The following TSPAN7 variants were observed in gnomAD, a reference collection of about 807,000 sequenced individuals.
TSPAN7 encodes the protein tetraspanin 7.
In TSPAN7, 1 loss-of-function variant was observed where a neutral mutation model predicts 17.6. The ratio of observed to expected loss-of-function variants is 0.06; its 90% CI spans 0.02 to 0.27. The LOEUF is 0.27. Among genes scored for constraint, TSPAN7 ranks in the 10% least tolerant of loss-of-function variants. The pLI is 1.00. For missense variants in TSPAN7, 112 were observed against 201.7 expected (o/e 0.56, Z 2.69); for synonymous variants, 78 against 79.0 (o/e 0.99, Z 0.07).
chrX:38,578,886 T>A (rs1371287471), intron 1 of TSPAN7, among the ~76,000 whole-genome samples: 2 of 111,302 alleles, frequency 1.8e-5, no homozygotes, highest in Non-Finnish European at 3.8e-5. Flanking sequence ...CATATGTGTA[T>A]ATGTATTATG....
At position 38,687,643 on chromosome X, in the gene TSPAN7, G is replaced by A. The variant is rs1383324316; in HGVS notation, c.726G>A (p.Thr242=). Reference sequence around the variant, plus strand: ...CCTGCTGTCTGTCCCGGTTCATCACGGCCAATCAGTATGAGATGGTGTAAG... The same window carrying A: ...CCTGCTGTCTGTCCCGGTTCATCACAGCCAATCAGTATGAGATGGTGTAAG... ...LLACCLSRFI[T]ANQYEMV is the part of the protein sequence containing the mutation. The change falls in exon 7 of 8, where the codon ACG becomes ACA. Residue 242 remains threonine, a synonymous_variant. Coordinates refer to ENST00000378482, the MANE Select transcript of TSPAN7 (RefSeq NM_004615.4). The A allele has an allele frequency of 6.6e-6, 8 of 1,210,608 alleles. No homozygotes were observed. Among genetic ancestry groups the A allele is most frequent in the Non-Finnish European group, 8.9e-6 (8 of 895,057 alleles).
At chrX:38,648,191 T>C (rs138171625) in intron 1 of TSPAN7, among the ~76,000 whole-genome samples, 2,319 of 112,126 alleles carry the variant, frequency 0.021, 61 homozygotes, top group African/African-American at 0.071. Flanking sequence ...CTTACAAATG[T>C]TAGAGGATAT....
chrX:38,627,914 G>A (rs2069530324), intron 1 of TSPAN7, among the ~76,000 whole-genome samples: 1 of 112,612 alleles, frequency 8.9e-6, no homozygotes, highest in Non-Finnish European at 1.9e-5. Context: ...GGCCACAGTA[G>A]GACTCTATAG....
chrX:38,643,127 G>T (rs1311506599), intron 1 of TSPAN7, among the ~76,000 whole-genome samples: 1 of 110,822 alleles, frequency 9.0e-6, no homozygotes, highest in East Asian at 2.8e-4. Context: ...GCTGCAGCTT[G>T]TTGGGTATTG....
intron 1 of TSPAN7, among the ~76,000 whole-genome samples, chrX:38,615,344 C>T (rs932431465): frequency 4.5e-5 from 5 of 110,884 alleles, no homozygotes; most frequent in African/African-American, 9.8e-5. Context: ...GCTTTTTTTT[C>T]CCCCAATGCA....
chrX:38,576,253 A>C (rs1482684427), intron 1 of TSPAN7, among the ~76,000 whole-genome samples: 1 of 111,612 alleles, frequency 9.0e-6, no homozygotes, highest in Non-Finnish European at 1.9e-5. Flanking sequence ...TTAAAATCTA[A>C]AGTTTAATAT....
chrX:38,665,988 C>T (rs1361181562), intron 1 of TSPAN7, 133 bp from the exon 2 acceptor site: 16 of 562,586 alleles, frequency 2.8e-5, no homozygotes, highest in Non-Finnish European at 4.8e-5. Flanking sequence ...TGACATTTCT[C>T]GTTGCTCAGG....
At position 38,688,875 on chromosome X, in the gene TSPAN7, A is replaced by G. The variant is rs1301763750; in HGVS notation, c.*944A>G. The G allele has an allele frequency of 1.8e-5, 2 of 112,423 alleles. No homozygotes were observed. The highest frequency in any genetic ancestry group is 6.5e-5 in the African/African-American group (2 of 30,881). 9.3% of individuals were successfully genotyped at this position (112,423 alleles called of 1,213,427 possible). A position where few individuals can be genotyped will look rare whatever the true frequency, so the allele number is the denominator to read the frequency against. On this transcript the variant is annotated 3_prime_UTR_variant, in exon 8 of 8. Coordinates refer to ENST00000378482, the MANE Select transcript of TSPAN7 (RefSeq NM_004615.4). ...CCAACAAGAATGCATTGATATTGTG[A>G]ACATTTGTGATATATGTATTAATAA...
chrX:38,651,262 G>A (rs1349055198), intron 1 of TSPAN7, among the ~76,000 whole-genome samples: 2 of 110,290 alleles, frequency 1.8e-5, no homozygotes, highest in Non-Finnish European at 3.8e-5. Flanking sequence ...TCAGGAGATC[G>A]AGACCGGCCT....
intron 1 of TSPAN7, chrX:38,656,162 G>A (rs1233312952): frequency 1.3e-5 from 3 of 228,064 alleles, no homozygotes; most frequent in East Asian, 2.2e-4. Flanking sequence ...TCAGGTACGA[G>A]GTATGGCTGA....
At chrX:38,673,354 G>T (rs1602122872) in intron 3 of TSPAN7, among the ~76,000 whole-genome samples, 1 of 104,002 alleles carries the variant, frequency 9.6e-6, no homozygotes, top group African/African-American at 3.6e-5. Flanking sequence ...AACAGAAAAG[G>T]TTTTGTTAAC....
intron 1 of TSPAN7, among the ~76,000 whole-genome samples, chrX:38,647,011 G>C (rs1234813128): frequency 8.9e-6 from 1 of 111,846 alleles, no homozygotes. Context: ...CTTTCAGTGA[G>C]AATGAGGGGT....
chrX:38,638,199 G>A (rs2069592235), intron 1 of TSPAN7, among the ~76,000 whole-genome samples: 1 of 112,239 alleles, frequency 8.9e-6, no homozygotes, highest in Non-Finnish European at 1.9e-5. Context: ...AAATGCTACA[G>A]TCTTTAATCT....
chrX:38,641,946 T>G (rs902637341), intron 1 of TSPAN7, among the ~76,000 whole-genome samples: 4 of 112,506 alleles, frequency 3.6e-5, no homozygotes, highest in African/African-American at 1.3e-4. Context: ...ATGCTGCTAC[T>G]GCCTCTTCAT....
At chrX:38,584,159 T>G (rs181208875) in intron 1 of TSPAN7, among the ~76,000 whole-genome samples, 39 of 109,329 alleles carry the variant, frequency 3.6e-4, no homozygotes, top group African/African-American at 6.7e-4. Flanking sequence ...TTCACCGTGT[T>G]AGCCAGGATG....
chrX:38,669,085 A>G (rs1390847812), intron 2 of TSPAN7, among the ~76,000 whole-genome samples: 1 of 111,446 alleles, frequency 9.0e-6, no homozygotes, highest in East Asian at 2.8e-4. Flanking sequence ...AGCAATAGCT[A>G]GAAGAGAGGA....
chrX:38,654,162 T>C (rs1214182922), intron 1 of TSPAN7, among the ~76,000 whole-genome samples: 1 of 111,606 alleles, frequency 9.0e-6, no homozygotes, highest in Non-Finnish European at 1.9e-5. Context: ...TGTTCTGCCA[T>C]TTAGTGGCGA....
At position 38,569,493 on chromosome X, in the gene TSPAN7, C is replaced by T. The variant is rs758704098; in HGVS notation, c.81+7866C>T. Among the ~76,000 whole-genome samples the T allele has an allele frequency of 2.7e-3, 12 of 4,370 alleles. 1 individual carries two copies. Among genetic ancestry groups the T allele is most frequent in the Admixed American group, 6.3e-3 (2 of 318 alleles). The allele number at this position is 4,370 out of a possible 115,157, so 3.8% of individuals were successfully genotyped here. ...GAGGCCAGAGACAGGAAGTTGGTGG[C>T]GGGGGTGGGGGTGGGGAATCTAATT... On this transcript the variant is annotated intron_variant, in intron 1 of 7. Coordinates refer to ENST00000378482, the MANE Select transcript of TSPAN7 (RefSeq NM_004615.4).
chrX:38,566,072 A>G (rs1191250896), intron 1 of TSPAN7, among the ~76,000 whole-genome samples: 2 of 112,255 alleles, frequency 1.8e-5, no homozygotes, highest in Non-Finnish European at 3.8e-5. Context: ...GAAAAAATGG[A>G]GCGTTATGCA....
Sources: allele counts gnomAD v4.1 joint callset (sites outside exome capture counted in the v4.1 genomes callset), GRCh38; gene constraint gnomAD v4.1.1; transcripts MANE v1.5; gene names NCBI Gene and HGNC (gene_info 2026-07-23, HGNC 2026-07-21).